Variants in SNX32 observed in about 807,000 individuals in gnomAD.
SNX32 encodes the protein sorting nexin 32.
A neutral mutation model predicts 57.0 loss-of-function variants in SNX32; 58 were observed. The observed-to-expected ratio is 1.02, with a 90% CI of 0.82 to 1.27. The LOEUF is 1.27. SNX32 is among the 50% of genes most tolerant of loss of function. The pLI is 0.00. For synonymous variants in SNX32, 262 were observed against 220.4 expected (o/e 1.19, Z -1.67); for missense variants, 589 against 541.2 (o/e 1.09, Z -0.88).
At chr11:65,840,110 G>A (rs1264615962) in intron 1 of SNX32, among the ~76,000 whole-genome samples, 1 of 151,652 alleles carries the variant, frequency 6.6e-6, no homozygotes, top group Non-Finnish European at 1.5e-5. Flanking sequence ...AGCCAAGATC[G>A]CGCCAGTGCA....
chr11:65,834,578 A>G (rs1427965338), intron 1 of SNX32, among the ~76,000 whole-genome samples: 5 of 126,326 alleles, frequency 4.0e-5, no homozygotes, highest in African/African-American at 1.2e-4. Flanking sequence ...GTGTCTGTGT[A>G]TGGTCTGCGT....
chr11:65,850,088 A>G, intron 3 of SNX32, 58 bp downstream of exon 3: 1 of 1,614,200 alleles, frequency 6.2e-7, no homozygotes, highest in East Asian at 2.2e-5. Flanking sequence ...GGTGAGGACC[A>G]AAGGCTGTGA....
At chr11:65,838,442 C>T (rs1858732321) in intron 1 of SNX32, among the ~76,000 whole-genome samples, 1 of 152,068 alleles carries the variant, frequency 6.6e-6, no homozygotes, top group Admixed American at 6.6e-5. Context: ...CCAAGCTGGT[C>T]TCCAACTCCT....
chr11:65,853,083 G>T, intron 12 of SNX32, 125 bp downstream of exon 12: 2 of 1,279,856 alleles, frequency 1.6e-6, no homozygotes, highest in South Asian at 1.2e-5. Flanking sequence ...GTGTGTGCAT[G>T]AGAGGAGCCC....
At chr11:65,834,942 CTG>C (rs375103054) in intron 1 of SNX32, among the ~76,000 whole-genome samples, 18 of 148,758 alleles carry the variant, frequency 1.2e-4, no homozygotes, top group African/African-American at 3.7e-4. Flanking sequence ...GTGTGTGCAT[CTG>C]TGTGTGTCTG....
rs764670032 is a variant in SNX32, at chr11:65,849,595, G to A, written c.141+13G>A. 1.2e-5 allele frequency: 20 copies of A among 1,610,884 alleles called. No homozygotes were observed. The highest frequency in any genetic ancestry group is 3.3e-5 in the South Asian group (3 of 91,010). On this transcript the variant is annotated intron_variant, in intron 2 of 12. Coordinates refer to ENST00000308342, the MANE Select transcript of SNX32 (RefSeq NM_152760.3). ...TGTTCAAACAAAGGTGAGGCAGTGC[G>A]GGGCACGAGGAAAGGTCCTGGTGGC... is the stretch of plus-strand genomic sequence containing the variant.
chr11:65,850,860 C>T lies in SNX32; in HGVS notation c.603+5C>T, dbSNP rs142463563. ...ACGGGCATGTCAGGGCTCAAGGTAA[C>T]CCCTGGTGCTCCTCTCCGGATTCAA... is the stretch of plus-strand genomic sequence containing the variant. On this transcript the variant is annotated splice_donor_5th_base_variant and intron_variant, in intron 6 of 12. Coordinates refer to ENST00000308342, the MANE Select transcript of SNX32 (RefSeq NM_152760.3). The T allele has an allele frequency of 1.4e-5, 23 of 1,611,256 alleles. No individual in the cohort carries two copies. Among genetic ancestry groups the T allele is most frequent in the Middle Eastern group, 1.7e-4 (1 of 6,058 alleles).
chr11:65,852,651 C>G lies in SNX32; in HGVS notation c.934C>G (p.Arg312Gly), dbSNP rs368132118. 3 of 1,604,194 alleles carry G rather than the reference C, an allele frequency of 1.9e-6. No homozygotes were observed. The highest frequency in any genetic ancestry group is 1.1e-5 in the South Asian group (1 of 90,390). Reference sequence around the variant, plus strand: ...CTAGGACCTGCTGTACCGGCGGCTGCGGGCACTGGCCGACTACGAGAATGC... The same window carrying G: ...CTAGGACCTGCTGTACCGGCGGCTGGGGGCACTGGCCGACTACGAGAATGC... Reference protein sequence around the residue: ...AAKDLLYRRLRALADYENANK... With the variant: ...AAKDLLYRRLGALADYENANK... Residue 312 changes from arginine to glycine, a missense_variant, in exon 11 of 13, where the codon CGG becomes GGG. Arg to Gly is a moderately radical substitution (Grantham distance 125, BLOSUM62 -2). Coordinates refer to ENST00000308342, the MANE Select transcript of SNX32 (RefSeq NM_152760.3).
At chr11:65,841,982 A>G (rs1169690456) in intron 1 of SNX32, among the ~76,000 whole-genome samples, 5 of 152,200 alleles carry the variant, frequency 3.3e-5, no homozygotes, top group African/African-American at 1.2e-4. Flanking sequence ...TATAATCACA[A>G]TCAAAATCCC....
chr11:65,847,201 G>T (rs1859025684), intron 1 of SNX32, among the ~76,000 whole-genome samples: 1 of 151,950 alleles, frequency 6.6e-6, no homozygotes, highest in Admixed American at 6.6e-5. Context: ...GGAGATGGGG[G>T]TCGAAGGGTG....
rs1859177240 is a variant in SNX32, at chr11:65,851,152, CCCA to C, written c.703_705del (p.His235del). ...CTGCGGGCCGACCGCGTCATGCGCG[CCCA>C]CAAGTGTACGCAGGGCCCAAGGGGT... On this transcript the variant is annotated inframe_deletion, in exon 7 of 13. Transcript: ENST00000308342. 6.2e-7 allele frequency: 1 copy of C among 1,612,558 alleles called. No individual in the cohort carries two copies. The highest frequency in any genetic ancestry group is 8.5e-7 in the Non-Finnish European group (1 of 1,179,942).
intron 1 of SNX32, chr11:65,835,622 C>G (rs1858649028): frequency 1.3e-5 from 2 of 152,246 alleles, no homozygotes; most frequent in African/African-American, 4.8e-5. Context: ...GAGGATGGAG[C>G]AGCTGTGGTC....
intron 2 of SNX32, 120 bp downstream of exon 2, chr11:65,849,702 C>T (rs1261759795): frequency 2.4e-5 from 22 of 921,296 alleles, no homozygotes; most frequent in Non-Finnish European, 3.6e-5. Flanking sequence ...CTGGCACTTG[C>T]CCTCAGCCCC....
At position 65,851,100 on chromosome 11, in the gene SNX32, T is replaced by A; in HGVS notation, c.649T>A (p.Tyr217Asn). ...FEHERTFLLE[Y>N]HTRIRDACLR... ...GCATGAGAGGACCTTCCTGTTGGAG[T>A]ATCACACCCGTATCCGAGATGCCTG... Residue 217 changes from tyrosine (Y) to asparagine (N), a missense_variant, in exon 7 of 13, where the codon TAT becomes AAT. Physicochemically the swap from Tyr to Asn is moderately radical, Grantham distance 143. Transcript: ENST00000308342. 1 of 1,613,804 alleles carries A rather than the reference T, an allele frequency of 6.2e-7. No homozygotes were observed. Among genetic ancestry groups the A allele is most frequent in the African/African-American group, 1.3e-5 (1 of 74,982 alleles).
At chr11:65,849,446 C>T in intron 1 of SNX32, 32 bp from the exon 2 acceptor site, 1 of 1,547,796 alleles carries the variant, frequency 6.5e-7, no homozygotes, top group South Asian at 1.2e-5. Flanking sequence ...GGGCCATGCT[C>T]AGCCAGGCCA....
chr11:65,850,077 G>A, intron 3 of SNX32, 47 bp downstream of exon 3: 1 of 1,614,184 alleles, frequency 6.2e-7, no homozygotes, highest in Non-Finnish European at 8.5e-7. Context: ...CAGAGCACTT[G>A]GGTGAGGACC....
At chr11:65,839,225 A>ATTTTTTTTTATTTTTTTT (rs1858759412) in intron 1 of SNX32, among the ~76,000 whole-genome samples, 1 of 27,622 alleles carries the variant, frequency 3.6e-5, no homozygotes, top group East Asian at 1.5e-3. Context: ...ATTTTTTTGT[A>ATTTTTTTTTATTTTTTTT]TTTTTTTTTT....
intron 1 of SNX32, among the ~76,000 whole-genome samples, chr11:65,840,226 A>G (rs1464415867): frequency 6.6e-6 from 1 of 152,202 alleles, no homozygotes; most frequent in Non-Finnish European, 1.5e-5. Flanking sequence ...AAGGAAAAAG[A>G]TTGATAAAAA....
rs1858575756 is a variant in SNX32 at position 65,834,012 on chromosome 11, G to C, written c.-54G>C. ...GTCAGTTCCTCGGGCGAGTTACGGGGACGACCTGCGGGAGCACGCGGGCAG... is the reference window on the plus strand; with the variant it reads ...GTCAGTTCCTCGGGCGAGTTACGGGCACGACCTGCGGGAGCACGCGGGCAG... On this transcript the variant is annotated 5_prime_UTR_variant, in exon 1 of 13. Transcript: ENST00000308342. The C allele has an allele frequency of 1.3e-6, 2 of 1,544,454 alleles. No individual in the cohort carries two copies.
Sources: allele counts gnomAD v4.1 joint callset (sites outside exome capture counted in the v4.1 genomes callset), GRCh38; gene constraint gnomAD v4.1.1; transcripts MANE v1.5; gene names NCBI Gene and HGNC (gene_info 2026-07-23, HGNC 2026-07-21).